Variants in THADA observed in about 807,000 individuals in gnomAD.
THADA encodes THADA armadillo repeat containing.
In THADA, 213 loss-of-function variants were observed where a neutral mutation model predicts 219.8. The observed-to-expected ratio is 0.97, with a 90% CI of 0.87 to 1.09. The LOEUF is 1.09. THADA is among the 50% of genes least tolerant of loss of function. THADA has a pLI of 0.00. For missense variants in THADA, 2,956 were observed against 2,311.3 expected, an observed-to-expected ratio of 1.28 and a Z score of -5.72; for synonymous variants, 1,018 against 828.9, an observed-to-expected ratio of 1.23 and a Z score of -3.92.
chr2:43,559,754 G>T (rs1288471488), intron 16 of THADA, among the ~76,000 whole-genome samples: 3 of 152,174 alleles, frequency 2.0e-5, no homozygotes, highest in Non-Finnish European at 4.4e-5. Flanking sequence ...CAAGTACTCG[G>T]TAAGTTTCAG....
At chr2:43,264,602 A>C (rs1015360659) in intron 36 of THADA, among the ~76,000 whole-genome samples, 1 of 152,156 alleles carries the variant, frequency 6.6e-6, no homozygotes, top group African/African-American at 2.4e-5. Flanking sequence ...ACTTTTTCAA[A>C]GATGAAAAAC....
intron 26 of THADA, among the ~76,000 whole-genome samples, chr2:43,482,894 G>A (rs762348028): frequency 2.0e-5 from 3 of 152,140 alleles, no homozygotes; most frequent in Admixed American, 6.5e-5. Flanking sequence ...ATAGCCCTAG[G>A]AGTAGACAGC....
At chr2:43,482,759 G>C (rs961307348) in intron 26 of THADA, among the ~76,000 whole-genome samples, 5 of 152,200 alleles carry the variant, frequency 3.3e-5, no homozygotes, top group African/African-American at 1.2e-4. Context: ...TTAAGAGCAA[G>C]ACAATCAGAT....
Position 43,580,084 on chromosome 2 carries a change from G to A in THADA, c.722-1477C>T, listed in dbSNP as rs559701486. ...TCTGTTGCCAGGCTGGAGTGCAGTG[G>A]CATGATCTTGGCTCACTGCAACCTC... is the stretch of plus-strand genomic sequence containing the variant. On this transcript the variant is annotated intron_variant, in intron 8 of 37. Transcript: ENST00000405975. Among the ~76,000 whole-genome samples, 14 of 149,398 alleles carry A rather than the reference G, an allele frequency of 9.4e-5. No homozygotes were observed. The South Asian group carries it at 3.0e-3, about 32-fold the overall frequency.
At position 43,296,270 on chromosome 2, in the gene THADA, T is replaced by C. The variant is rs1572957525; in HGVS notation, c.4439-3057A>G. Among the ~76,000 whole-genome samples the C allele has an allele frequency of 4.6e-5, 7 of 150,714 alleles. No homozygotes were observed. In the South Asian group the frequency reaches 1.5e-3, roughly 31 times the overall value. On this transcript the variant is annotated intron_variant, in intron 31 of 37. Coordinates refer to ENST00000405975, the MANE Select transcript of THADA (RefSeq NM_022065.5). ...AGAATTCCCAGCTCACCAGGAGGCA[T>C]CTTTTTATTTTTTTATTTTTTTGGA...
chr2:43,359,880 T>C (rs1419680108), intron 29 of THADA, among the ~76,000 whole-genome samples: 1 of 151,574 alleles, frequency 6.6e-6, no homozygotes, highest in African/African-American at 2.4e-5. Context: ...TTCCTCAGCT[T>C]CCCAAGTAGT....
intron 2 of THADA, 108 bp downstream of exon 2, chr2:43,592,209 G>A: frequency 2.0e-6 from 2 of 1,022,206 alleles, no homozygotes; most frequent in Non-Finnish European, 2.8e-6. Flanking sequence ...CAAAACATAA[G>A]GAAAAATATA....
chr2:43,271,438 T>C (rs1009289995), intron 36 of THADA, among the ~76,000 whole-genome samples: 2 of 152,136 alleles, frequency 1.3e-5, no homozygotes, highest in African/African-American at 4.8e-5. Flanking sequence ...CCCCACCAGG[T>C]AGATCTGAAA....
In THADA at chr2:43,231,024, G is replaced by GTGTC; in HGVS notation, c.5782_5785dup (p.Thr1929ArgfsTer?). 2 of 1,613,912 alleles carry GTGTC rather than the reference G, an allele frequency of 1.2e-6. No homozygotes were observed. Among genetic ancestry groups the GTGTC allele is most frequent in the Non-Finnish European group, 1.7e-6 (2 of 1,179,870 alleles). ...AGAGTCCCAAACACTGAGAACTAGG[G>GTGTC]TGTCTTCCCCTTCCTTTCCTTCCAA... On this transcript the variant is annotated frameshift_variant, in exon 38 of 38. Coordinates refer to ENST00000405975, the MANE Select transcript of THADA (RefSeq NM_022065.5). LOFTEE classifies it high-confidence loss of function.
At chr2:43,440,436 A>T (rs1680705668) in intron 26 of THADA, among the ~76,000 whole-genome samples, 3 of 152,310 alleles carry the variant, frequency 2.0e-5, no homozygotes, top group East Asian at 3.8e-4. Context: ...GTTTTACAGG[A>T]TCACTGTTTT....
At position 43,291,778 on chromosome 2, in the gene THADA, TAAAC is replaced by T. The variant is rs748570045; in HGVS notation, c.4938-14_4938-11del. On this transcript the variant is annotated splice_polypyrimidine_tract_variant and intron_variant, in intron 33 of 37. Transcript: ENST00000405975. ...ACTCTGAATTTCAGATCTAGAAAAA[TAAAC>T]AAACAAAAAAACAACACAAAATTAC... is the stretch of plus-strand genomic sequence containing the variant. The T allele has an allele frequency of 7.2e-6, 11 of 1,536,784 alleles. No homozygotes were observed. The highest frequency in any genetic ancestry group is 2.5e-5 in the South Asian group (2 of 81,062).
At chr2:43,408,804 C>T (rs1418106401) in intron 28 of THADA, among the ~76,000 whole-genome samples, 1 of 152,124 alleles carries the variant, frequency 6.6e-6, no homozygotes, top group Admixed American at 6.5e-5. Flanking sequence ...ATCATTATGA[C>T]CTCTCTTGTT....
chr2:43,510,226 T>G (rs905816848), intron 22 of THADA, among the ~76,000 whole-genome samples: 1 of 152,200 alleles, frequency 6.6e-6, no homozygotes, highest in African/African-American at 2.4e-5. Flanking sequence ...AAATCGGGGA[T>G]GTGTTTTAGA....
intron 35 of THADA, among the ~76,000 whole-genome samples, chr2:43,285,355 GTTC>G (rs1323480537): frequency 6.6e-6 from 1 of 152,140 alleles, no homozygotes; most frequent in Non-Finnish European, 1.5e-5. Flanking sequence ...CAGTGAGTGA[GTTC>G]TTATGAGATC....
At chr2:43,257,502 G>C (rs1428119334) in intron 36 of THADA, among the ~76,000 whole-genome samples, 1 of 152,230 alleles carries the variant, frequency 6.6e-6, no homozygotes, top group Non-Finnish European at 1.5e-5. Context: ...CTTCTCTCTT[G>C]AATAGGTCAA....
At chr2:43,524,723 G>A (rs568954704) in intron 22 of THADA, among the ~76,000 whole-genome samples, 60 of 152,276 alleles carry the variant, frequency 3.9e-4, no homozygotes, top group African/African-American at 1.4e-3. Context: ...GAACTACTTG[G>A]TTTGAAAGCA....
rs1674908005 is a variant in THADA at position 43,292,919 on chromosome 2, T to G, written c.4733A>C (p.Lys1578Thr). 6.8e-6 allele frequency: 11 copies of G among 1,613,934 alleles called. No homozygotes were observed. In the East Asian group the frequency reaches 2.4e-4, roughly 36 times the overall value. ...GTTGCACAGCAAGGGTGGCACGCCCTTCTCTCCAAGTCCAGAGGCTGCTGC... is the reference window on the plus strand; with the variant it reads ...GTTGCACAGCAAGGGTGGCACGCCCGTCTCTCCAAGTCCAGAGGCTGCTGC... ...FLAAASGLGEKGVPPLLCNMG... is the reference protein window; with the variant it reads ...FLAAASGLGETGVPPLLCNMG... The change falls in exon 32 of 38, where the codon AAG becomes ACG. Residue 1578 changes from lysine (K) to threonine (T), a missense_variant. Physicochemically the swap from Lys to Thr is moderately conservative, Grantham distance 78. Transcript: ENST00000405975.
In THADA at chr2:43,244,161, C is replaced by A. The variant is rs554354471; in HGVS notation, c.5297-11279G>T. On this transcript the variant is annotated intron_variant, in intron 36 of 37. Coordinates refer to ENST00000405975, the MANE Select transcript of THADA (RefSeq NM_022065.5). ...CCCCTGATTTTAAAAATGGACACAG[C>A]CAATATGAATGAAAATAAGCAATTC... is the stretch of plus-strand genomic sequence containing the variant. 2.0e-5 allele frequency among the ~76,000 whole-genome samples: 3 copies of A among 152,124 alleles called. No homozygotes were observed. In the East Asian group the frequency reaches 5.8e-4, roughly 29 times the overall value.
chr2:43,332,050 A>G (rs912519837), intron 30 of THADA, among the ~76,000 whole-genome samples: 3 of 152,186 alleles, frequency 2.0e-5, no homozygotes, highest in African/African-American at 7.2e-5. Flanking sequence ...ATACAAGTGT[A>G]ACTTTACTCA....
Sources: gnomAD v4.1 joint callset for allele counts (sites outside exome capture counted in the v4.1 genomes callset) on GRCh38, gnomAD v4.1.1 for gene constraint, MANE v1.5 for transcripts, NCBI Gene and HGNC (gene_info 2026-07-23, HGNC 2026-07-21) for gene names.